Variants in COL23A1 observed in about 807,000 individuals in gnomAD.
The protein encoded by COL23A1 is collagen type XXIII alpha 1 chain, also known as collagen alpha-1(XXIII) chain.
COL23A1 carries 97 observed loss-of-function variants against 99.3 expected under a neutral mutation model. That is an observed-to-expected ratio of 0.98 (90% CI 0.83 to 1.16). The LOEUF (loss-of-function observed/expected upper bound fraction) is 1.16, where lower values mean the gene tolerates loss of function less well. COL23A1 is among the 50% of genes most tolerant of loss of function. COL23A1 has a pLI of 0.00. For synonymous variants in COL23A1, 320 were observed against 308.2 expected (o/e 1.04, Z -0.40); for missense variants, 762 against 757.4 (o/e 1.01, Z -0.07).
At chr5:178,360,123 C>T (rs769264482) in intron 2 of COL23A1, among the ~76,000 whole-genome samples, 5 of 152,172 alleles carry the variant, frequency 3.3e-5, no homozygotes, top group South Asian at 2.1e-4. Flanking sequence ...TGCTGACATG[C>T]GAACCACATC....
Position 178,258,268 on chromosome 5 carries a change from T to C in COL23A1, c.730-701A>G, listed in dbSNP as rs1278454841. ...ATATATATATATATATATATACACA[T>C]GCAAATCAATTCTAGGCACCATGTC... On this transcript the variant is annotated intron_variant, in intron 12 of 28. Coordinates refer to ENST00000390654, the MANE Select transcript of COL23A1 (RefSeq NM_173465.4). Among the ~76,000 whole-genome samples the C allele has an allele frequency of 1.8e-4, 24 of 134,674 alleles. 2 individuals carry two copies. Among genetic ancestry groups the C allele is most frequent in the Middle Eastern group, 3.8e-3 (1 of 266 alleles). The allele number at this position is 134,674 out of a possible 152,430, so 88.4% of individuals were successfully genotyped here.
chr5:178,277,960 C>G (rs1294037808), intron 5 of COL23A1, among the ~76,000 whole-genome samples: 2 of 152,186 alleles, frequency 1.3e-5, no homozygotes, highest in African/African-American at 4.8e-5. Flanking sequence ...TCTGACTGAG[C>G]TGCCCAGGTC....
At chr5:178,580,694 C>A (rs1455611434) in intron 1 of COL23A1, among the ~76,000 whole-genome samples, 1 of 152,216 alleles carries the variant, frequency 6.6e-6, no homozygotes, top group Non-Finnish European at 1.5e-5. Context: ...GAGGACCAAG[C>A]ACGGTGCCTG....
At chr5:178,565,170 C>A (rs1387225233) in intron 1 of COL23A1, among the ~76,000 whole-genome samples, 3 of 152,206 alleles carry the variant, frequency 2.0e-5, no homozygotes, top group Non-Finnish European at 4.4e-5. Flanking sequence ...ACAAAACAAC[C>A]CACATGGGTG....
chr5:178,268,187 C>A (rs1225530726), intron 7 of COL23A1, among the ~76,000 whole-genome samples: 6 of 152,216 alleles, frequency 3.9e-5, no homozygotes, highest in African/African-American at 1.4e-4. Flanking sequence ...CTGGCCCTGG[C>A]ACACCTAGGC....
chr5:178,326,155 T>C (rs993223074), intron 2 of COL23A1, among the ~76,000 whole-genome samples: 8 of 152,140 alleles, frequency 5.3e-5, no homozygotes, highest in Non-Finnish European at 7.4e-5. Flanking sequence ...GAAAGATCTC[T>C]TTCTGGAACA....
At chr5:178,377,141 C>T (rs935951125) in intron 2 of COL23A1, among the ~76,000 whole-genome samples, 1 of 152,196 alleles carries the variant, frequency 6.6e-6, no homozygotes, top group Non-Finnish European at 1.5e-5. Flanking sequence ...CACAGGAAAG[C>T]GTCTGAGTCA....
intron 6 of COL23A1, among the ~76,000 whole-genome samples, chr5:178,269,850 T>G (rs534003048): frequency 6.6e-6 from 1 of 152,018 alleles, no homozygotes; most frequent in East Asian, 1.9e-4. Flanking sequence ...CACCCATCCA[T>G]CCATCCACCT....
rs1366196308 is a variant in COL23A1 at position 178,340,024 on chromosome 5, G to A, written c.362-33105C>T. Among the ~76,000 whole-genome samples, 9 of 152,188 alleles carry A rather than the reference G, an allele frequency of 5.9e-5. No homozygotes were observed. The highest frequency in any genetic ancestry group is 1.3e-4 in the Non-Finnish European group (9 of 68,044). On this transcript the variant is annotated intron_variant, in intron 2 of 28. Transcript: ENST00000390654. The surrounding 1 kb of genome is among the most constrained non-coding windows in gnomAD (Gnocchi z 4.7). ...GGGTGGCGGGTGGCTGTTGGGGGATGAAGAGATGAGTAGAGGGATGAGGGG... is the reference window on the plus strand; with the variant it reads ...GGGTGGCGGGTGGCTGTTGGGGGATAAAGAGATGAGTAGAGGGATGAGGGG...
At position 178,387,558 on chromosome 5, in the gene COL23A1, G is replaced by T. The variant is rs1396768858; in HGVS notation, c.362-80639C>A. On this transcript the variant is annotated intron_variant, in intron 2 of 28. Coordinates refer to ENST00000390654, the MANE Select transcript of COL23A1 (RefSeq NM_173465.4). The surrounding 1 kb of genome is among the most constrained non-coding windows in gnomAD (Gnocchi z 4.7). ...GGTATGCTCTGCACACTGCTCCAAGGGCTGCCCTCACAGCCGACTGTATTT... is the reference window on the plus strand; with the variant it reads ...GGTATGCTCTGCACACTGCTCCAAGTGCTGCCCTCACAGCCGACTGTATTT... Among the ~76,000 whole-genome samples, 1 of 152,146 alleles carries T rather than the reference G, an allele frequency of 6.6e-6. No homozygotes were observed.
chr5:178,573,104 T>C (rs1034088748), intron 1 of COL23A1, among the ~76,000 whole-genome samples: 9 of 152,210 alleles, frequency 5.9e-5, no homozygotes, highest in African/African-American at 2.2e-4. Context: ...GGGTGAGGGA[T>C]GCATTCCCTA....
rs375541599 is a variant in COL23A1, at chr5:178,570,941, G to C, written c.295-10193C>G. Among the ~76,000 whole-genome samples, 88 of 152,254 alleles carry C rather than the reference G, an allele frequency of 5.8e-4. 3 individuals carry two copies. The East Asian group carries it at 9.7e-3, about 17-fold the overall frequency. On this transcript the variant is annotated intron_variant, in intron 1 of 28. Coordinates refer to ENST00000390654, the MANE Select transcript of COL23A1 (RefSeq NM_173465.4). ...AATCAGCCCCTGCAGGCAAGGAAAT[G>C]ACTGAGGTCAGGGAACGAACCACCG...
intron 2 of COL23A1, among the ~76,000 whole-genome samples, chr5:178,431,144 C>T (rs1188377516): frequency 6.6e-6 from 1 of 152,152 alleles, no homozygotes; most frequent in Non-Finnish European, 1.5e-5. Flanking sequence ...GCTGAGGATG[C>T]TGAATGACAG....
In COL23A1 at chr5:178,262,220, C is replaced by A; in HGVS notation, c.672G>T (p.Glu224Asp). The change falls in exon 10 of 29, where the codon GAG becomes GAT. Residue 224 changes from glutamate (E) to aspartate (D), a missense_variant. Transcript: ENST00000390654. The stretch of plus-strand genomic sequence containing the variant: ...CTGGAATGCCCTGGATACTGACCAT[C>A]TCGCCGTCTTGTCCGGGCTCTCCTT... ...GPKGEPGQDG[E>D]MGPKGPPGPK... is the part of the protein sequence containing the mutation. 1 of 1,583,490 alleles carries A rather than the reference C, an allele frequency of 6.3e-7. No homozygotes were observed. The highest frequency in any genetic ancestry group is 2.3e-5 in the East Asian group (1 of 43,978).
intron 1 of COL23A1, among the ~76,000 whole-genome samples, chr5:178,583,795 C>T (rs997003948): frequency 6.6e-6 from 1 of 152,182 alleles, no homozygotes; most frequent in Non-Finnish European, 1.5e-5. Flanking sequence ...GCACCTTGAG[C>T]CGGGCCTACA....
Position 178,252,573 on chromosome 5 carries a change from G to A in COL23A1, c.985C>T (p.Pro329Ser). The change falls in exon 17 of 29, where the codon CCA (proline) becomes TCA (serine). Residue 329 changes from proline to serine, a missense_variant. Pro to Ser is a moderately conservative substitution (Grantham distance 74). Coordinates refer to ENST00000390654, the MANE Select transcript of COL23A1 (RefSeq NM_173465.4). ...GCTCCAGGGATCCCTGGTGGCCCTG[G>A]GGGCCCCTGTGGTCCGGGAGGCCCC... ...LKGPPGPQGPPGPPGIPGAKG... is the reference protein window; with the variant it reads ...LKGPPGPQGPSGPPGIPGAKG... 6.2e-7 allele frequency: 1 copy of A among 1,611,766 alleles called. No individual in the cohort carries two copies. The highest frequency in any genetic ancestry group is 1.1e-5 in the South Asian group (1 of 90,384).
intron 2 of COL23A1, among the ~76,000 whole-genome samples, chr5:178,523,169 T>TAC (rs1760063525): frequency 8.9e-6 from 1 of 112,346 alleles, no homozygotes; most frequent in African/African-American, 3.2e-5. Flanking sequence ...TATACATATA[T>TAC]ATATATATAC....
intron 2 of COL23A1, among the ~76,000 whole-genome samples, chr5:178,347,346 C>T (rs1189544735): frequency 3.3e-5 from 5 of 151,562 alleles, no homozygotes; most frequent in African/African-American, 9.7e-5. Context: ...GTTCCACTCA[C>T]AGGAAATGTC....
chr5:178,361,219 T>A (rs937344232), intron 2 of COL23A1, among the ~76,000 whole-genome samples: 1 of 152,190 alleles, frequency 6.6e-6, no homozygotes, highest in Non-Finnish European at 1.5e-5. Context: ...TTCCCTGCCA[T>A]AAGGTCTATT....
Sources: allele counts gnomAD v4.1 joint callset (sites outside exome capture counted in the v4.1 genomes callset), GRCh38; gene constraint gnomAD v4.1.1; non-coding constraint Gnocchi (gnomAD v3.1); transcripts MANE v1.5; gene names NCBI Gene and HGNC (gene_info 2026-07-23, HGNC 2026-07-21).